The following SVIL variants were observed in gnomAD, a reference collection of about 807,000 sequenced individuals.
SVIL encodes the protein supervillin.
A neutral mutation model predicts 240.4 loss-of-function variants in SVIL; 101 were observed. The ratio of observed to expected loss-of-function variants is 0.42; its 90% confidence interval spans 0.36 to 0.50. SVIL has a LOEUF of 0.50. SVIL is among the 20% of genes least tolerant of loss of function. SVIL has a pLI of 0.01. For missense variants in SVIL, 2,512 were observed against 2,818.7 expected (o/e 0.89, Z 2.46); for synonymous variants, 999 against 1,100.0 (o/e 0.91, Z 1.82).
intron 29 of SVIL, among the ~76,000 whole-genome samples, chr10:29,474,210 G>C (rs971553064): frequency 6.6e-6 from 1 of 152,182 alleles, no homozygotes; most frequent in South Asian, 2.1e-4. Context: ...TTCCCACAGG[G>C]AGAAAAGGGA....
chr10:29,714,935 C>T (rs12784866), intron 1 of SVIL, among the ~76,000 whole-genome samples: 23,469 of 130,314 alleles, frequency 0.18, 2,141 homozygotes, highest in East Asian at 0.29. Flanking sequence ...CAAAGAAAGA[C>T]CTTGTCTGAA....
chr10:29,538,543 C>T lies in SVIL; in HGVS notation c.828-2474G>A, dbSNP rs567643007. Among the ~76,000 whole-genome samples the T allele has an allele frequency of 1.9e-3, 293 of 152,294 alleles. 1 individual carries two copies. The Middle Eastern group carries it at 0.027, about 14-fold the overall frequency. ...TGTGAATTCTGTTCTTCTCCTGGGC[C>T]GGTGGTGTGTGGTGCGATGCTCCCC... On this transcript the variant is annotated intron_variant, in intron 6 of 37. Coordinates refer to ENST00000355867, the MANE Select transcript of SVIL (RefSeq NM_021738.3).
At chr10:29,539,165 TAATAAATA>T (rs71020796) in intron 6 of SVIL, among the ~76,000 whole-genome samples, 6,490 of 149,176 alleles carry the variant, frequency 0.044, 175 homozygotes, top group Middle Eastern at 0.11. Flanking sequence ...ACTCGGCCTC[TAATAAATA>T]AATAAATAAA....
At chr10:29,605,648 G>GTT (rs533675929) in intron 1 of SVIL, among the ~76,000 whole-genome samples, 2 of 145,652 alleles carry the variant, frequency 1.4e-5, no homozygotes, top group Non-Finnish European at 3.0e-5. Flanking sequence ...AGTTTTCCTA[G>GTT]TTTTTTTTTT....
intron 1 of SVIL, among the ~76,000 whole-genome samples, chr10:29,726,192 G>A (rs1964280092): frequency 6.6e-6 from 1 of 152,102 alleles, no homozygotes; most frequent in Admixed American, 6.5e-5. Flanking sequence ...AACATGCTGG[G>A]ATTACAGGCA....
intron 17 of SVIL, among the ~76,000 whole-genome samples, chr10:29,506,715 T>TAAGAGGGAGGGGAC (rs1564535267): frequency 1.2e-4 from 9 of 72,116 alleles, no homozygotes; most frequent in South Asian, 4.3e-4. Context: ...AGGGAGGGGA[T>TAAGAGGGAGGGGAC]AGAGACTCTA....
At chr10:29,508,324 T>C (rs1589038884) in intron 17 of SVIL, 1 of 1,280,592 alleles carries the variant, frequency 7.8e-7, no homozygotes, top group Non-Finnish European at 1.0e-6. Context: ...AGGACACCTG[T>C]GTTAGAGTCA....
At chr10:29,722,417 A>G (rs1964047114) in intron 1 of SVIL, among the ~76,000 whole-genome samples, 1 of 152,132 alleles carries the variant, frequency 6.6e-6, no homozygotes, top group Non-Finnish European at 1.5e-5. Flanking sequence ...TTGGCTTAAC[A>G]TTGACCCAAA....
chr10:29,606,868 C>A (rs1252672162), intron 1 of SVIL, among the ~76,000 whole-genome samples: 1 of 152,166 alleles, frequency 6.6e-6, no homozygotes, highest in Non-Finnish European at 1.5e-5. Flanking sequence ...AGTTCTCCTG[C>A]CTCAGCCTCC....
At position 29,529,904 on chromosome 10, in the gene SVIL, C is replaced by T. The variant is rs112374237; in HGVS notation, c.2107-60G>A. 653 of 1,513,326 alleles carry T rather than the reference C, an allele frequency of 4.3e-4. 7 individuals carry two copies. The African/African-American group carries it at 8.1e-3, about 19-fold the overall frequency. 93.7% of individuals were successfully genotyped at this position (1,513,326 alleles called of 1,614,324 possible). The stretch of plus-strand genomic sequence containing the variant: ...TCAAGGAAAGAGCTGGGCACGGTGG[C>T]TCACGCCTGTAATCCCAGCACTTTG... On this transcript the variant is annotated intron_variant, in intron 11 of 37. Coordinates refer to ENST00000355867, the MANE Select transcript of SVIL (RefSeq NM_021738.3).
Position 29,650,803 on chromosome 10 carries a change from G to A in SVIL, c.-201+7166C>T, listed in dbSNP as rs918617842. 5.3e-4 allele frequency among the ~76,000 whole-genome samples: 80 copies of A among 152,058 alleles called. 1 individual carries two copies. Among genetic ancestry groups the A allele is most frequent in the Non-Finnish European group, 3.1e-4 (21 of 68,022 alleles). ...GTCTCTACAAAAATAAAAATCATAAGTTGGCCATGGTGGCACACGCCTGTA... is the reference window on the plus strand; with the variant it reads ...GTCTCTACAAAAATAAAAATCATAAATTGGCCATGGTGGCACACGCCTGTA... On this transcript the variant is annotated intron_variant, in intron 3 of 35. Coordinates refer to the SVIL transcript ENST00000375400.
intron 2 of SVIL, among the ~76,000 whole-genome samples, chr10:29,666,803 G>T (rs1589478635): frequency 6.6e-6 from 1 of 152,174 alleles, no homozygotes; most frequent in Non-Finnish European, 1.5e-5. Context: ...CATATTCCGA[G>T]GTTTCTCTTC....
At chr10:29,727,970 G>A (rs1457625301) in intron 1 of SVIL, among the ~76,000 whole-genome samples, 4 of 152,148 alleles carry the variant, frequency 2.6e-5, no homozygotes, top group African/African-American at 9.6e-5. Flanking sequence ...ACAGCTTTGG[G>A]GGAAAAGTAA....
chr10:29,507,180 C>A (rs1393227637), intron 17 of SVIL, among the ~76,000 whole-genome samples: 2 of 151,992 alleles, frequency 1.3e-5, no homozygotes, highest in Non-Finnish European at 2.9e-5. Flanking sequence ...ACTGGAGGGG[C>A]CTCCCCTCGC....
chr10:29,655,530 A>AG (rs1374327333), intron 3 of SVIL, among the ~76,000 whole-genome samples: 1 of 152,190 alleles, frequency 6.6e-6, no homozygotes. Context: ...ACCCACAGCA[A>AG]GGGTGGGTCT....
In SVIL at chr10:29,495,193, A is replaced by G. The variant is rs770093942; in HGVS notation, c.3665-12T>C. 33 of 1,379,802 alleles carry G rather than the reference A, an allele frequency of 2.4e-5. No individual in the cohort carries two copies. In the South Asian group the frequency reaches 3.4e-4, roughly 14 times the overall value. The allele number at this position is 1,379,802 out of a possible 1,614,324, so 85.5% of individuals were successfully genotyped here. On this transcript the variant is annotated splice_polypyrimidine_tract_variant and intron_variant, in intron 18 of 37. Coordinates refer to ENST00000355867, the MANE Select transcript of SVIL (RefSeq NM_021738.3). ...AGGTGACGCCAAACCTGTGGAACAC[A>G]CAGACGAGCTACTGAGCATCTCAGG...
intron 6 of SVIL, among the ~76,000 whole-genome samples, chr10:29,538,759 C>T (rs1181284745): frequency 1.3e-5 from 2 of 152,204 alleles, no homozygotes; most frequent in Non-Finnish European, 2.9e-5. Context: ...CTTAATGTTT[C>T]CTTTGTTTTT....
At position 29,674,749 on chromosome 10, in the gene SVIL, G is replaced by T. The variant is rs369514069; in HGVS notation, c.-301+11804C>A. 4.6e-5 allele frequency among the ~76,000 whole-genome samples: 7 copies of T among 152,120 alleles called. No homozygotes were observed. In the East Asian group the frequency reaches 5.8e-4, roughly 13 times the overall value. On this transcript the variant is annotated intron_variant, in intron 2 of 35. Coordinates refer to the SVIL transcript ENST00000375400. ...CACTGGGCTACAAGTCAAGGTGTTG[G>T]CAGGGCCTCATTTCTGCTGGAGGCT...
intron 21 of SVIL, among the ~76,000 whole-genome samples, chr10:29,492,448 C>T (rs974002000): frequency 5.2e-4 from 79 of 152,178 alleles, no homozygotes; most frequent in Middle Eastern, 3.4e-3. Context: ...TCTGAGGGGC[C>T]TCTAGAACCC....
Sources: gnomAD v4.1 joint callset for allele counts (sites outside exome capture counted in the v4.1 genomes callset) on GRCh38, gnomAD v4.1.1 for gene constraint, MANE v1.5 for transcripts, NCBI Gene and HGNC (gene_info 2026-07-23, HGNC 2026-07-21) for gene names.